Variants in TADA2A observed in about 807,000 individuals in gnomAD.
The protein encoded by TADA2A is transcriptional adaptor 2A, also known as transcriptional adapter 2-alpha.
TADA2A carries 38 observed loss-of-function variants against 67.4 expected under a neutral mutation model. The observed-to-expected ratio is 0.56, with a 90% CI of 0.44 to 0.74. The LOEUF (loss-of-function observed/expected upper bound fraction) is 0.74, where lower values mean the gene tolerates loss of function less well. Ranked by LOEUF, TADA2A falls within the 30% of genes least tolerant of loss-of-function variation. The probability of loss-of-function intolerance (pLI) is 0.00; values close to 1 mark genes in which losing one functional copy is unlikely to be tolerated. For synonymous variants in TADA2A, 192 were observed against 181.6 expected, an observed-to-expected ratio of 1.06 and a Z score of -0.46; for missense variants, 454 against 547.0, an observed-to-expected ratio of 0.83 and a Z score of 1.70.
rs79982225 is a variant in TADA2A, at chr17:37,473,590, G to A, written c.1073-966G>A. On this transcript the variant is annotated intron_variant, in intron 14 of 15. Transcript: ENST00000615182. ...TGAAAAGCAACCTCTATAAAACTTC[G>A]ACATTTTCTTTGCTTAACTCAGTCT... Among the ~76,000 whole-genome samples, 23 of 152,150 alleles carry A rather than the reference G, an allele frequency of 1.5e-4. No homozygotes were observed. In the East Asian group the frequency reaches 3.9e-3, roughly 26 times the overall value.
chr17:37,457,127 C>T (rs2053413426), intron 8 of TADA2A, among the ~76,000 whole-genome samples: 1 of 151,952 alleles, frequency 6.6e-6, no homozygotes, highest in Admixed American at 6.6e-5. Flanking sequence ...ATTAGTCTTG[C>T]CTTGACATTG....
At chr17:37,432,399 T>G (rs1417585510) in intron 4 of TADA2A, among the ~76,000 whole-genome samples, 2 of 151,940 alleles carry the variant, frequency 1.3e-5, no homozygotes, top group East Asian at 3.8e-4. Context: ...ACCCCTGACC[T>G]CAGGTGATCC....
At chr17:37,430,455 T>C (rs2052536572) in intron 4 of TADA2A, among the ~76,000 whole-genome samples, 1 of 152,216 alleles carries the variant, frequency 6.6e-6, no homozygotes, top group Non-Finnish European at 1.5e-5. Flanking sequence ...AGCTGTATTT[T>C]TGGGAGTTAC....
At chr17:37,439,926 ATTTATTTATTTATTTATTATTTT>A (rs2052850140) in intron 5 of TADA2A, among the ~76,000 whole-genome samples, 1 of 100,184 alleles carries the variant, frequency 1.0e-5, no homozygotes, top group African/African-American at 4.5e-5. Context: ...TTATTTATTT[ATTTATTTATTTATTTATTATTTT>A]TTTTTTTTTT....
In TADA2A at chr17:37,467,337, A is replaced by C. The variant is rs1017327997; in HGVS notation, c.824-117A>C. The C allele has an allele frequency of 6.4e-6, 5 of 780,748 alleles. No homozygotes were observed. The East Asian group carries it at 1.1e-4, about 18-fold the overall frequency. 48.4% of individuals were successfully genotyped at this position (780,748 alleles called of 1,614,324 possible). A position where few individuals can be genotyped will look rare whatever the true frequency, so the allele number is the denominator to read the frequency against. On this transcript the variant is annotated intron_variant, in intron 11 of 15. Transcript: ENST00000615182. ...AGTTACCAACGAGTAGGATTCTCCA[A>C]ATGAACTTCCCTAGTCTTATAAGGC...
chr17:37,410,333 C>T (rs775718495), intron 1 of TADA2A, among the ~76,000 whole-genome samples: 4 of 141,190 alleles, frequency 2.8e-5, no homozygotes, highest in African/African-American at 8.1e-5. Context: ...CCACTGTACC[C>T]GGCTAACTTT....
rs547557945 is a variant in TADA2A at position 37,460,608 on chromosome 17, A to G, written c.669-1470A>G. Among the ~76,000 whole-genome samples the G allele has an allele frequency of 2.2e-3, 334 of 152,258 alleles. 1 individual carries two copies. Among genetic ancestry groups the G allele is most frequent in the Non-Finnish European group, 2.3e-3 (156 of 68,004 alleles). On this transcript the variant is annotated intron_variant, in intron 9 of 15. Coordinates refer to ENST00000615182, the MANE Select transcript of TADA2A (RefSeq NM_001166105.3). ...TTTTTTAATGAGAAGTCTTTCATCT[A>G]AAAGGATTTCAAAGAAATTCTGAAC...
intron 7 of TADA2A, among the ~76,000 whole-genome samples, chr17:37,443,044 C>A (rs2052968500): frequency 6.6e-6 from 1 of 151,978 alleles, no homozygotes; most frequent in South Asian, 2.1e-4. Flanking sequence ...TGCCTGTAGT[C>A]CCAACTACTT....
At chr17:37,426,276 A>G (rs1267564926) in intron 3 of TADA2A, 1 of 152,076 alleles carries the variant, frequency 6.6e-6, no homozygotes, top group African/African-American at 2.4e-5. Flanking sequence ...AGAAAAAAGT[A>G]TTTTTTTCAG....
At chr17:37,427,514 A>C (rs1459073583) in intron 4 of TADA2A, among the ~76,000 whole-genome samples, 1 of 152,230 alleles carries the variant, frequency 6.6e-6, no homozygotes, top group African/African-American at 2.4e-5. Flanking sequence ...GAAGAGGCAG[A>C]CTGGTTTATA....
chr17:37,423,678 T>A, intron 3 of TADA2A, 63 bp downstream of exon 3: 1 of 1,252,832 alleles, frequency 8.0e-7, no homozygotes, highest in Non-Finnish European at 1.1e-6. Context: ...ATGTAATATT[T>A]CGGAGATTAC....
At chr17:37,465,333 T>C (rs2053640570) in intron 10 of TADA2A, 98 bp from the exon 11 acceptor site, 2 of 865,642 alleles carry the variant, frequency 2.3e-6, no homozygotes, top group Non-Finnish European at 3.6e-6. Context: ...TTATGAATAA[T>C]GTTCTTCCAT....
At chr17:37,470,309 A>C in intron 12 of TADA2A, 91 bp from the exon 13 acceptor site, 1 of 1,521,658 alleles carries the variant, frequency 6.6e-7, no homozygotes, top group South Asian at 1.2e-5. Context: ...GACTTTAAGA[A>C]CAAAACCCAA....
chr17:37,429,887 C>G (rs1286698799), intron 4 of TADA2A, among the ~76,000 whole-genome samples: 1 of 152,042 alleles, frequency 6.6e-6, no homozygotes, highest in Non-Finnish European at 1.5e-5. Flanking sequence ...CCTTTAAATG[C>G]AAAAATGAAG....
At position 37,479,084 on chromosome 17, in the gene TADA2A, T is replaced by C. The variant is rs554162162; in HGVS notation, c.*2102T>C. 6.6e-6 allele frequency: 1 copy of C among 151,998 alleles called. No individual in the cohort carries two copies. The highest frequency in any genetic ancestry group is 1.5e-5 in the Non-Finnish European group (1 of 67,998). The allele number at this position is 151,998 out of a possible 1,614,324, so 9.4% of individuals were successfully genotyped here. A position where few individuals can be genotyped will look rare whatever the true frequency, so the allele number is the denominator to read the frequency against. On this transcript the variant is annotated 3_prime_UTR_variant, in exon 16 of 16. Coordinates refer to ENST00000615182, the MANE Select transcript of TADA2A (RefSeq NM_001166105.3). Reference sequence around the variant, plus strand: ...GTGACGTCTGTTGTAGTCTGAAGAGTCCTTAACCTTGATTAAGGAAGGCTT... The same window carrying C: ...GTGACGTCTGTTGTAGTCTGAAGAGCCCTTAACCTTGATTAAGGAAGGCTT...
intron 2 of TADA2A, among the ~76,000 whole-genome samples, chr17:37,422,987 C>T (rs2052291625): frequency 6.6e-6 from 1 of 152,130 alleles, no homozygotes; most frequent in Non-Finnish European, 1.5e-5. Context: ...ACCTGTAATT[C>T]CAGAGCTTTG....
At position 37,478,111 on chromosome 17, in the gene TADA2A, CTG is replaced by C. The variant is rs2053926507; in HGVS notation, c.*1131_*1132del. ...CCAGCCTGGGCAACAAAGTGAGACT[CTG>C]TCTCAAAAAAAAAAAAACAAAAAAA... is the stretch of plus-strand genomic sequence containing the variant. On this transcript the variant is annotated 3_prime_UTR_variant, in exon 16 of 16. Coordinates refer to ENST00000615182, the MANE Select transcript of TADA2A (RefSeq NM_001166105.3). 1 of 128,422 alleles carries C rather than the reference CTG, an allele frequency of 7.8e-6. No individual in the cohort carries two copies. The highest frequency in any genetic ancestry group is 1.6e-5 in the Non-Finnish European group (1 of 62,986). The allele number at this position is 128,422 out of a possible 1,614,324, so 8.0% of individuals were successfully genotyped here. A position where few individuals can be genotyped will look rare whatever the true frequency, so the allele number is the denominator to read the frequency against.
chr17:37,446,912 A>G (rs535341438), intron 8 of TADA2A, among the ~76,000 whole-genome samples: 1 of 152,242 alleles, frequency 6.6e-6, no homozygotes, highest in Admixed American at 6.5e-5. Context: ...TTAAGTGGGG[A>G]TAAAAAGAAA....
intron 2 of TADA2A, among the ~76,000 whole-genome samples, chr17:37,422,747 C>CG (rs2052284340): frequency 6.6e-6 from 1 of 152,042 alleles, no homozygotes; most frequent in African/African-American, 2.4e-5. Flanking sequence ...GGTAATGCAC[C>CG]CACCTTGGCC....
Sources: gnomAD v4.1 joint callset for allele counts (sites outside exome capture counted in the v4.1 genomes callset) on GRCh38, gnomAD v4.1.1 for gene constraint, MANE v1.5 for transcripts, NCBI Gene and HGNC (gene_info 2026-07-23, HGNC 2026-07-21) for gene names.